LAMA2: variants seen among roughly 807,000 people sequenced by gnomAD.
LAMA2 encodes the protein laminin subunit alpha 2, also known as laminin subunit alpha-2.
Under a neutral mutation model 364.8 loss-of-function variants are expected in LAMA2, and 269 were observed. The ratio of observed to expected loss-of-function variants is 0.74; its 90% CI spans 0.67 to 0.82. The LOEUF (loss-of-function observed/expected upper bound fraction) is 0.82. Ranked by LOEUF, LAMA2 falls within the 40% of genes least tolerant of loss-of-function variation. The pLI is 0.00. For synonymous variants in LAMA2, 1,379 were observed against 1,370.6 expected, an observed-to-expected ratio of 1.01 and a Z score of -0.14; for missense variants, 3,807 against 3,873.2, an observed-to-expected ratio of 0.98 and a Z score of 0.45.
At chr6:129,363,260 C>CTGT (rs1777571851) in intron 32 of LAMA2, among the ~76,000 whole-genome samples, 1 of 152,142 alleles carries the variant, frequency 6.6e-6, no homozygotes, top group African/African-American at 2.4e-5. Context: ...GTCATGATCA[C>CTGT]ACCACTGTAC....
In LAMA2 at chr6:129,505,221, C is replaced by G. The variant is rs767799742; in HGVS notation, c.8569C>G (p.Gln2857Glu). ...WHKIKIMRSK[Q>E]EGILYVDGAS... ...GTAGATTAAGATAATGAGAAGTAAG[C>G]AAGAAGGAATTCTTTATGTAGATGG... is the stretch of plus-strand genomic sequence containing the variant. The change falls in exon 61 of 65, where the codon CAA (glutamine) becomes GAA (glutamate). Residue 2857 changes from glutamine to glutamate, a missense_variant. Transcript: ENST00000421865. The G allele has an allele frequency of 1.4e-5, 22 of 1,613,642 alleles. 1 individual carries two copies. In the South Asian group the frequency reaches 2.4e-4, roughly 18 times the overall value.
chr6:129,186,422 T>C (rs575481216), intron 10 of LAMA2, among the ~76,000 whole-genome samples: 1 of 151,732 alleles, frequency 6.6e-6, no homozygotes, highest in Admixed American at 6.6e-5. Flanking sequence ...TAATAAGGTA[T>C]AATATATGGT....
At chr6:129,311,118 A>C (rs572144644) in intron 22 of LAMA2, among the ~76,000 whole-genome samples, 1 of 151,324 alleles carries the variant, frequency 6.6e-6, no homozygotes, top group East Asian at 1.9e-4. Context: ...AAAAATAATG[A>C]TGAAGATTCT....
intron 17 of LAMA2, among the ~76,000 whole-genome samples, chr6:129,274,759 C>T (rs1303932550): frequency 6.6e-6 from 1 of 151,880 alleles, no homozygotes; most frequent in Non-Finnish European, 1.5e-5. Flanking sequence ...TGTAACTAGG[C>T]AGTAAAAGTT....
chr6:129,225,372 C>T (rs997524371), intron 12 of LAMA2, among the ~76,000 whole-genome samples: 3 of 152,124 alleles, frequency 2.0e-5, no homozygotes, highest in African/African-American at 7.2e-5. Flanking sequence ...TTGCCTTCTG[C>T]TAGCTTTTGA....
chr6:129,345,309 C>G (rs1030534827), intron 30 of LAMA2, among the ~76,000 whole-genome samples: 2 of 152,126 alleles, frequency 1.3e-5, no homozygotes, highest in African/African-American at 4.8e-5. Flanking sequence ...TAAAAGGTAA[C>G]TTGACATTTT....
At chr6:129,099,094 T>G (rs2114874927) in intron 4 of LAMA2, among the ~76,000 whole-genome samples, 1 of 151,346 alleles carries the variant, frequency 6.6e-6, no homozygotes, top group African/African-American at 2.4e-5. Context: ...AGTTTATTAG[T>G]TGTATGTGGG....
intron 3 of LAMA2, among the ~76,000 whole-genome samples, chr6:129,088,754 G>A (rs1371070283): frequency 6.6e-6 from 1 of 151,948 alleles, no homozygotes; most frequent in African/African-American, 2.4e-5. Flanking sequence ...CTTCTCAGAC[G>A]CAGCGGCCGG....
chr6:128,946,843 T>G (rs1218116309), intron 1 of LAMA2, among the ~76,000 whole-genome samples: 1 of 152,232 alleles, frequency 6.6e-6, no homozygotes, highest in Non-Finnish European at 1.5e-5. Flanking sequence ...TATTGATGAT[T>G]CTCTGCTAAC....
chr6:129,492,308 C>G lies in LAMA2; in HGVS notation c.8076-7C>G, dbSNP rs555377928. On this transcript the variant is annotated splice_region_variant and splice_polypyrimidine_tract_variant and intron_variant, in intron 57 of 64. Transcript: ENST00000421865. ...ATAAAAAAATCTTATTTATTACATT[C>G]TATTAGCCCCATGGACTTTGCAAGG... The G allele has an allele frequency of 2.2e-5, 36 of 1,613,212 alleles. No homozygotes were observed. Among genetic ancestry groups the G allele is most frequent in the Non-Finnish European group, 3.0e-5 (35 of 1,179,310 alleles).
chr6:128,951,246 TA>T (rs971208420), intron 1 of LAMA2, among the ~76,000 whole-genome samples: 1 of 150,320 alleles, frequency 6.7e-6, no homozygotes, highest in Admixed American at 6.6e-5. Flanking sequence ...TTTTTATTAT[TA>T]AAAAAATAGG....
intron 56 of LAMA2, among the ~76,000 whole-genome samples, chr6:129,491,557 C>G (rs1784864296): frequency 6.6e-6 from 1 of 152,202 alleles, no homozygotes; most frequent in Non-Finnish European, 1.5e-5. Flanking sequence ...CTTTGCTAAA[C>G]CTGCCAACCC....
chr6:129,429,340 C>T (rs1781479506), intron 41 of LAMA2, among the ~76,000 whole-genome samples: 1 of 152,088 alleles, frequency 6.6e-6, no homozygotes, highest in South Asian at 2.1e-4. Context: ...TGGGGTTTTG[C>T]TAACTGTGTA....
chr6:129,353,762 G>A (rs905290861), intron 32 of LAMA2, among the ~76,000 whole-genome samples: 1 of 152,160 alleles, frequency 6.6e-6, no homozygotes, highest in African/African-American at 2.4e-5. Context: ...GATACTTTAA[G>A]CCTTGAATGA....
chr6:129,227,627 A>G (rs544367235), intron 12 of LAMA2, among the ~76,000 whole-genome samples: 73 of 152,268 alleles, frequency 4.8e-4, no homozygotes, highest in African/African-American at 1.7e-3. Context: ...TCAGCAGCGG[A>G]GGCTGCAGAA....
At chr6:129,267,842 TAGG>T (rs1260062960) in intron 16 of LAMA2, among the ~76,000 whole-genome samples, 6 of 152,090 alleles carry the variant, frequency 3.9e-5, no homozygotes, top group African/African-American at 1.4e-4. Flanking sequence ...TAAGAAACCT[TAGG>T]ATTGGAGAAT....
rs149951387 is a variant in LAMA2, at chr6:129,393,057, C to A, written c.5247C>A (p.Ala1749=). 3.7e-6 allele frequency: 6 copies of A among 1,613,242 alleles called. No homozygotes were observed. The East Asian group carries it at 6.7e-5, about 18-fold the overall frequency. The change falls in exon 37 of 65, where the codon GCC becomes GCA. Residue 1749 remains alanine, a synonymous_variant. Coordinates refer to ENST00000421865, the MANE Select transcript of LAMA2 (RefSeq NM_000426.4). ...IAEDELVAAE[A]LLKKVKKLFG... ...GGGGTGGTTACAGAGCTGCAGAAGC[C>A]CTTCTGAAAAAAGTGAAGAAGCTGT... is the stretch of plus-strand genomic sequence containing the variant.
rs966519735 is a variant in LAMA2 at position 129,428,864 on chromosome 6, T to C, written c.5968+1010T>C. On this transcript the variant is annotated intron_variant, in intron 41 of 64. Transcript: ENST00000421865. ...TCATTAAACATGGCTGCTCTCTATA[T>C]GAGCCATTACAATTATTATTTTATG... 1.5e-4 allele frequency among the ~76,000 whole-genome samples: 23 copies of C among 152,360 alleles called. 1 individual carries two copies. The highest frequency in any genetic ancestry group is 5.3e-4 in the African/African-American group (22 of 41,590).
intron 1 of LAMA2, among the ~76,000 whole-genome samples, chr6:129,012,828 G>A (rs1216574001): frequency 6.6e-6 from 1 of 152,118 alleles, no homozygotes; most frequent in Non-Finnish European, 1.5e-5. Flanking sequence ...GATTTTGGAG[G>A]CTGTATTTGC....
Sources: gnomAD v4.1 joint callset for allele counts (sites outside exome capture counted in the v4.1 genomes callset) on GRCh38, gnomAD v4.1.1 for gene constraint, MANE v1.5 for transcripts, NCBI Gene and HGNC (gene_info 2026-07-23, HGNC 2026-07-21) for gene names.